The following RXRA variants were observed in gnomAD, a reference collection of about 807,000 sequenced individuals.
The protein encoded by RXRA is retinoid X receptor alpha.
Under a neutral mutation model 44.5 loss-of-function variants are expected in RXRA, and 5 were observed. That is an observed-to-expected ratio of 0.11 (90% confidence interval 0.06 to 0.24). The LOEUF (loss-of-function observed/expected upper bound fraction) is 0.24. Ranked by LOEUF, RXRA falls within the 10% of genes least tolerant of loss-of-function variation. The pLI is 1.00. For missense variants in RXRA, 412 were observed against 646.5 expected, an observed-to-expected ratio of 0.64 and a Z score of 3.93; for synonymous variants, 291 against 271.4, an observed-to-expected ratio of 1.07 and a Z score of -0.71.
intron 1 of RXRA, among the ~76,000 whole-genome samples, chr9:134,345,630 A>G (rs1294624259): frequency 5.3e-5 from 8 of 152,224 alleles, no homozygotes; most frequent in Non-Finnish European, 1.0e-4. Flanking sequence ...CTGTCCCACC[A>G]GCTGCCTGCC....
At chr9:134,393,025 TAA>T (rs35870322) in intron 1 of RXRA, among the ~76,000 whole-genome samples, 1 of 147,432 alleles carries the variant, frequency 6.8e-6, no homozygotes, top group African/African-American at 2.5e-5. Flanking sequence ...GGCTTCTTCT[TAA>T]AAAAAAAAAA....
intron 6 of RXRA, chr9:134,422,090 T>C: frequency 7.7e-7 from 1 of 1,302,784 alleles, no homozygotes. Flanking sequence ...CCCAGGACAC[T>C]CCCGACTCCT....
chr9:134,379,779 C>T (rs2119098682), intron 1 of RXRA: 1 of 985,342 alleles, frequency 1.0e-6, no homozygotes, highest in South Asian at 4.7e-5. Context: ...GACCTGGGCC[C>T]AGCTGCCCCT....
rs993193815 is a variant in RXRA, at chr9:134,436,986, C to T, written c.*372C>T. The T allele has an allele frequency of 3.1e-5, 7 of 224,986 alleles. No individual in the cohort carries two copies. Among genetic ancestry groups the T allele is most frequent in the East Asian group, 1.1e-4 (1 of 9,368 alleles). 13.9% of individuals were successfully genotyped at this position (224,986 alleles called of 1,614,324 possible). ...GAGTTGGGAACGGGGCTTTTGTTTC[C>T]GTTGCTGTTTATCGATGCTGGTTTT... is the stretch of plus-strand genomic sequence containing the variant. On this transcript the variant is annotated 3_prime_UTR_variant, in exon 10 of 10. Coordinates refer to ENST00000481739, the MANE Select transcript of RXRA (RefSeq NM_002957.6).
intron 9 of RXRA, among the ~76,000 whole-genome samples, chr9:134,436,260 T>C (rs1437971017): frequency 2.0e-5 from 3 of 152,248 alleles, no homozygotes; most frequent in Non-Finnish European, 4.4e-5. Context: ...CTTCACTCTG[T>C]CCTGGCTCTG....
chr9:134,348,789 A>G lies in RXRA; in HGVS notation c.28+22130A>G, dbSNP rs1830185898. 2.8e-5 allele frequency among the ~76,000 whole-genome samples: 3 copies of G among 107,086 alleles called. No individual in the cohort carries two copies. The South Asian group carries it at 7.9e-4, about 28-fold the overall frequency. 70.3% of individuals were successfully genotyped at this position (107,086 alleles called of 152,430 possible). A position where few individuals can be genotyped will look rare whatever the true frequency, so the allele number is the denominator to read the frequency against. Reference sequence around the variant, plus strand: ...GCACAATGCAGGATTCGGTGGTCAGAAGACTTCCCGGACGCTGGACGTCGA... The same window carrying G: ...GCACAATGCAGGATTCGGTGGTCAGGAGACTTCCCGGACGCTGGACGTCGA... On this transcript the variant is annotated intron_variant, in intron 1 of 9. Coordinates refer to ENST00000481739, the MANE Select transcript of RXRA (RefSeq NM_002957.6).
intron 1 of RXRA, among the ~76,000 whole-genome samples, chr9:134,346,828 C>T (rs1339143045): frequency 6.6e-6 from 1 of 152,188 alleles, no homozygotes; most frequent in African/African-American, 2.4e-5. Flanking sequence ...GCTTGAGGAG[C>T]CCTTGTCGGG....
In RXRA at chr9:134,343,193, C is replaced by T. The variant is rs544221748; in HGVS notation, c.28+16534C>T. On this transcript the variant is annotated intron_variant, in intron 1 of 9. Transcript: ENST00000481739. This position sits in a 1 kb window ranked among gnomAD's most constrained non-coding sequence, Gnocchi z 4.1. ...TTACATGCTGTGTGACCTGGGGCAG[C>T]GTGTCTCTCTCTCTGAGTGTCGACT... is the stretch of plus-strand genomic sequence containing the variant. Among the ~76,000 whole-genome samples, 12 of 152,250 alleles carry T rather than the reference C, an allele frequency of 7.9e-5. No individual in the cohort carries two copies. In the South Asian group the frequency reaches 2.3e-3, roughly 29 times the overall value.
chr9:134,430,507 A>C (rs1207225971), intron 7 of RXRA, among the ~76,000 whole-genome samples: 1 of 152,128 alleles, frequency 6.6e-6, no homozygotes, highest in Non-Finnish European at 1.5e-5. Flanking sequence ...CTGGAACTTG[A>C]CCTCCATGGG....
chr9:134,353,439 G>A (rs1554749716), intron 1 of RXRA, among the ~76,000 whole-genome samples: 1 of 152,184 alleles, frequency 6.6e-6, no homozygotes. Context: ...TACACCGCAC[G>A]TGTATGCACA....
chr9:134,395,182 C>G (rs1402702554), intron 1 of RXRA, among the ~76,000 whole-genome samples: 2 of 152,244 alleles, frequency 1.3e-5, no homozygotes, highest in Non-Finnish European at 2.9e-5. Context: ...CAACCCCGGT[C>G]ACTCCGAACT....
At chr9:134,409,284 G>A (rs1269945593) in intron 4 of RXRA, among the ~76,000 whole-genome samples, 165 bp downstream of exon 4, 1 of 152,176 alleles carries the variant, frequency 6.6e-6, no homozygotes, top group South Asian at 2.1e-4. Flanking sequence ...GTGGGCACAC[G>A]TGCGGCCCAG....
chr9:134,397,725 G>T (rs2119134519), intron 1 of RXRA, among the ~76,000 whole-genome samples: 1 of 152,306 alleles, frequency 6.6e-6, no homozygotes, highest in Admixed American at 6.5e-5. Context: ...GGTGTAAGGG[G>T]TGTGAGGGTC....
intron 1 of RXRA, among the ~76,000 whole-genome samples, chr9:134,389,255 G>T (rs1218569070): frequency 6.6e-6 from 1 of 152,224 alleles, no homozygotes; most frequent in Non-Finnish European, 1.5e-5. Flanking sequence ...ATGCAGTTTT[G>T]CTGGGTTCCC....
intron 1 of RXRA, among the ~76,000 whole-genome samples, chr9:134,334,533 G>T (rs1317543964): frequency 6.6e-6 from 1 of 152,270 alleles, no homozygotes; most frequent in Non-Finnish European, 1.5e-5. Context: ...GGCTGTGGCG[G>T]TGGCAGTGTG....
intron 9 of RXRA, among the ~76,000 whole-genome samples, chr9:134,435,973 C>T (rs1056005886): frequency 2.6e-5 from 4 of 152,226 alleles, no homozygotes; most frequent in Non-Finnish European, 4.4e-5. Context: ...TCAAGCGGTC[C>T]TCCCTGCAGG....
intron 1 of RXRA, among the ~76,000 whole-genome samples, chr9:134,337,609 G>T (rs1234268185): frequency 6.6e-6 from 1 of 152,192 alleles, no homozygotes; most frequent in African/African-American, 2.4e-5. Context: ...CACGGAGGAG[G>T]CATTAGCGGC....
intron 1 of RXRA, among the ~76,000 whole-genome samples, chr9:134,375,032 C>T (rs924896151): frequency 6.6e-6 from 1 of 152,174 alleles, no homozygotes; most frequent in Non-Finnish European, 1.5e-5. Flanking sequence ...CTGTGCCCTG[C>T]ACTGCAGGGA....
chr9:134,330,828 A>G (rs1443503599), intron 1 of RXRA, among the ~76,000 whole-genome samples: 4 of 152,202 alleles, frequency 2.6e-5, no homozygotes, highest in African/African-American at 7.2e-5. Context: ...CATCTGAAAA[A>G]TGGACATACT....
Sources: gnomAD v4.1 joint callset for allele counts (sites outside exome capture counted in the v4.1 genomes callset) on GRCh38, gnomAD v4.1.1 for gene constraint, Gnocchi (gnomAD v3.1) non-coding constraint, MANE v1.5 for transcripts, NCBI Gene and HGNC (gene_info 2026-07-23, HGNC 2026-07-21) for gene names.